FAM186A: variants seen among roughly 807,000 people sequenced by gnomAD.
The protein encoded by FAM186A is family with sequence similarity 186 member A, also known as protein FAM186A.
A neutral mutation model predicts 216.8 loss-of-function variants in FAM186A; 163 were observed. That is an observed-to-expected ratio of 0.75 (90% confidence interval 0.66 to 0.86). FAM186A has a LOEUF of 0.86. FAM186A is among the 40% of genes least tolerant of loss of function. The pLI is 0.00. For synonymous variants in FAM186A, 805 were observed against 1,025.3 expected, an observed-to-expected ratio of 0.79 and a Z score of 4.10; for missense variants, 2,184 against 2,746.2, an observed-to-expected ratio of 0.80 and a Z score of 4.58.
chr12:50,353,545 C>T lies in FAM186A; in HGVS notation c.3287G>A (p.Gly1096Glu), dbSNP rs190553690. 261 of 1,533,920 alleles carry T rather than the reference C, an allele frequency of 1.7e-4. No individual in the cohort carries two copies. In the East Asian group the frequency reaches 4.6e-3, roughly 27 times the overall value. Residue 1096 changes from glycine to glutamate, a missense_variant, in exon 4 of 8, where the codon GGG (glycine) becomes GAG (glutamate). By Grantham distance (98) the Gly-to-Glu change is moderately conservative. Coordinates refer to ENST00000327337, the MANE Select transcript of FAM186A (RefSeq NM_001145475.3). ...GGCCTGCTGAAGGGTGAGCGTGATCCCCTGAGCCTGGGCCTGCTGAGGAGT... is the reference window on the plus strand; with the variant it reads ...GGCCTGCTGAAGGGTGAGCGTGATCTCCTGAGCCTGGGCCTGCTGAGGAGT... ...TLTPQQAQAQ[G>E]ITLTLQQAQE...
intron 4 of FAM186A, among the ~76,000 whole-genome samples, chr12:50,334,849 A>G (rs1474356702): frequency 6.6e-6 from 1 of 152,186 alleles, no homozygotes; most frequent in East Asian, 1.9e-4. Context: ...GCTTAATAAG[A>G]CTTTAATCCA....
chr12:50,344,945 G>A (rs1033629994), intron 4 of FAM186A, among the ~76,000 whole-genome samples: 2 of 152,094 alleles, frequency 1.3e-5, no homozygotes, highest in African/African-American at 4.8e-5. Flanking sequence ...ACAAGAGAGT[G>A]AGACCATGTC....
rs925692497 is a variant in FAM186A, at chr12:50,353,106, A to G, written c.3726T>C (p.Pro1242=). 7 of 1,526,190 alleles carry G rather than the reference A, an allele frequency of 4.6e-6. No individual in the cohort carries two copies. The highest frequency in any genetic ancestry group is 5.3e-6 in the Non-Finnish European group (6 of 1,132,246). 94.5% of individuals were successfully genotyped at this position (1,526,190 alleles called of 1,614,324 possible). ...GAGCCTGCGCCTGCTGAGGGGTGAG[A>G]GGGATCCCCAATTGCTGGGCCTGCT... The part of the protein sequence containing the change: ...TLQQAQQLGI[P]LTPQQAQALG... Residue 1242 remains proline, a synonymous_variant, in exon 4 of 8, where the codon CCT becomes CCC. Coordinates refer to ENST00000327337, the MANE Select transcript of FAM186A (RefSeq NM_001145475.3).
At chr12:50,361,015 TAC>T in intron 2 of FAM186A, 89 bp from the exon 3 acceptor site, 1 of 940,062 alleles carries the variant, frequency 1.1e-6, no homozygotes, top group Non-Finnish European at 1.5e-6. Context: ...AACTACTCAA[TAC>T]AGTAATATTG....
Position 50,351,908 on chromosome 12 carries a change from G to A in FAM186A, c.4924C>T (p.Gln1642Ter), listed in dbSNP as rs1942887144. 6.5e-7 allele frequency: 1 copy of A among 1,536,638 alleles called. No individual in the cohort carries two copies. Among genetic ancestry groups the A allele is most frequent in the Non-Finnish European group, 8.8e-7 (1 of 1,138,374 alleles). Residue 1642 changes from glutamine to a stop codon, truncating the protein, a stop_gained, in exon 4 of 8, where the codon CAG becomes TAG. Coordinates refer to ENST00000327337, the MANE Select transcript of FAM186A (RefSeq NM_001145475.3). LOFTEE classifies it high-confidence loss of function. ...AQAQGITLTP[Q>*]QAQALGVPIT... ...GGGACTCCCAGTGCCTGGGCCTGCTGAGGGGTGAGAGTGATCCCCTGAGCC... is the reference window on the plus strand; with the variant it reads ...GGGACTCCCAGTGCCTGGGCCTGCTAAGGGGTGAGAGTGATCCCCTGAGCC...
intron 7 of FAM186A, among the ~76,000 whole-genome samples, 154 bp downstream of exon 7, chr12:50,330,419 C>G (rs1942644974): frequency 6.6e-6 from 1 of 152,078 alleles, no homozygotes; most frequent in East Asian, 1.9e-4. Context: ...GCTGAATTTA[C>G]CTGTACTATT....
chr12:50,377,974 C>A (rs1943214353), intron 1 of FAM186A, among the ~76,000 whole-genome samples: 1 of 152,064 alleles, frequency 6.6e-6, no homozygotes, highest in South Asian at 2.1e-4. Flanking sequence ...CCTGCTCATC[C>A]CAGCACTTTG....
Position 50,334,013 on chromosome 12 carries a change from A to T in FAM186A, c.6594T>A (p.Asp2198Glu). The T allele has an allele frequency of 6.4e-7, 1 of 1,551,708 alleles. No individual in the cohort carries two copies. Reference sequence around the variant, plus strand: ...CCTGCATCACCTTTTTCCCGTAGTCATCAAGTCTGCTCAGCATCATGTGGA... The same window carrying T: ...CCTGCATCACCTTTTTCCCGTAGTCTTCAAGTCTGCTCAGCATCATGTGGA... ...RNLHMMLSRL[D>E]DYGKKVMQVW... is the part of the protein sequence containing the mutation. Residue 2198 changes from aspartate to glutamate, a missense_variant, in exon 5 of 8, where the codon GAT becomes GAA. Coordinates refer to ENST00000327337, the MANE Select transcript of FAM186A (RefSeq NM_001145475.3).
At position 50,353,895 on chromosome 12, in the gene FAM186A, T is replaced by C; in HGVS notation, c.2937A>G (p.Glu979=). 6.4e-7 allele frequency: 1 copy of C among 1,552,300 alleles called. No homozygotes were observed. The highest frequency in any genetic ancestry group is 8.7e-7 in the Non-Finnish European group (1 of 1,147,328). ...TCTGATCCTTTGTTTTGATCTGCCTTTCGAGGTCCTCTAGCCCTCTCTCTG... is the reference window on the plus strand; with the variant it reads ...TCTGATCCTTTGTTTTGATCTGCCTCTCGAGGTCCTCTAGCCCTCTCTCTG... ...QKPERGLEDL[E]RQIKTKDQMQ... Residue 979 remains glutamate (E), a synonymous_variant, in exon 4 of 8, where the codon GAA becomes GAG. Coordinates refer to ENST00000327337, the MANE Select transcript of FAM186A (RefSeq NM_001145475.3).
intron 1 of FAM186A, among the ~76,000 whole-genome samples, chr12:50,394,380 G>A (rs78638148): frequency 0.11 from 16,642 of 151,822 alleles, 1,820 homozygotes; most frequent in East Asian, 0.48. Flanking sequence ...GTGAAACCCT[G>A]TCCCTACTAA....
intron 1 of FAM186A, among the ~76,000 whole-genome samples, chr12:50,379,267 C>A (rs1365812562): frequency 6.6e-6 from 1 of 151,738 alleles, no homozygotes; most frequent in Non-Finnish European, 1.5e-5. Flanking sequence ...GGTGAAACCC[C>A]GTCTCTACTA....
intron 1 of FAM186A, among the ~76,000 whole-genome samples, chr12:50,375,055 G>A (rs1257725294): frequency 4.6e-5 from 7 of 152,092 alleles, no homozygotes; most frequent in African/African-American, 1.7e-4. Context: ...GCATGTGCCT[G>A]TAGTCCCATC....
intron 1 of FAM186A, among the ~76,000 whole-genome samples, chr12:50,378,584 AAATTG>A (rs1336576156): frequency 1.7e-4 from 2 of 11,522 alleles, no homozygotes; most frequent in African/African-American, 2.0e-4. Context: ...ACACATATGT[AAATTG>A]TATATATATA....
At chr12:50,392,537 C>T (rs894896255) in intron 1 of FAM186A, 1 of 151,970 alleles carries the variant, frequency 6.6e-6, no homozygotes, top group Admixed American at 6.6e-5. Context: ...CCTCGGCCCC[C>T]CAAAATGCTG....
At position 50,351,544 on chromosome 12, in the gene FAM186A, G is replaced by C; in HGVS notation, c.5288C>G (p.Ser1763Ter). 1 of 1,535,782 alleles carries C rather than the reference G, an allele frequency of 6.5e-7. No homozygotes were observed. Residue 1763 changes from serine (S) to a stop codon, truncating the protein, a stop_gained, in exon 4 of 8, where the codon TCA becomes TGA. Transcript: ENST00000327337. LOFTEE classifies it high-confidence loss of function. ...GGGGCCTTGGTTGAGGGGAACCCTT[G>C]ATATCTGCAAAGGAGTAGAAGAGAC... ...FGVSSTPLQI[S>*]RVPLNQGPFA... is the part of the protein sequence containing the mutation.
At chr12:50,371,884 C>T (rs1275126511) in intron 1 of FAM186A, among the ~76,000 whole-genome samples, 4 of 152,096 alleles carry the variant, frequency 2.6e-5, no homozygotes, top group Middle Eastern at 3.4e-3. Context: ...ATGATCTTGG[C>T]TCACGGCAAC....
At chr12:50,375,656 G>T (rs1246584496) in intron 1 of FAM186A, among the ~76,000 whole-genome samples, 2 of 149,318 alleles carry the variant, frequency 1.3e-5, no homozygotes, top group Non-Finnish European at 3.0e-5. Context: ...GGCAGAGATT[G>T]CAGTGAGCCG....
intron 1 of FAM186A, among the ~76,000 whole-genome samples, chr12:50,371,164 G>A (rs1229206648): frequency 6.6e-6 from 1 of 151,922 alleles, no homozygotes; most frequent in Non-Finnish European, 1.5e-5. Context: ...TGTCACCTAG[G>A]CTAGAGTGCA....
At chr12:50,385,526 G>A (rs1943294858) in intron 1 of FAM186A, among the ~76,000 whole-genome samples, 2 of 151,898 alleles carry the variant, frequency 1.3e-5, no homozygotes, top group Admixed American at 1.3e-4. Flanking sequence ...AAAAGTATAG[G>A]CAACAAAAGC....
Sources: allele counts gnomAD v4.1 joint callset (sites outside exome capture counted in the v4.1 genomes callset), GRCh38; gene constraint gnomAD v4.1.1; transcripts MANE v1.5; gene names NCBI Gene and HGNC (gene_info 2026-07-23, HGNC 2026-07-21).